The following C1GALT1 variants were observed in gnomAD, a reference collection of about 807,000 sequenced individuals.
The protein encoded by C1GALT1 is glycoprotein-N-acetylgalactosamine 3-beta-galactosyltransferase 1.
A neutral mutation model predicts 31.0 loss-of-function variants in C1GALT1; 11 were observed. That is an observed-to-expected ratio of 0.36 (90% CI 0.22 to 0.59). C1GALT1 has a LOEUF of 0.59. Among genes scored for constraint, C1GALT1 ranks in the 20% least tolerant of loss-of-function variants. The pLI is 0.79. For missense variants in C1GALT1, 424 were observed against 425.2 expected (o/e 1.00, Z 0.03); for synonymous variants, 175 against 143.6 (o/e 1.22, Z -1.56).
intron 2 of C1GALT1, among the ~76,000 whole-genome samples, chr7:7,174,833 T>A (rs751913560): frequency 2.0e-5 from 3 of 152,146 alleles, no homozygotes; most frequent in Non-Finnish European, 4.4e-5. Flanking sequence ...CTCATCTTGT[T>A]CATACATCAT....
intron 2 of C1GALT1, among the ~76,000 whole-genome samples, chr7:7,165,925 T>C (rs527881275): frequency 1.3e-5 from 2 of 152,308 alleles, no homozygotes; most frequent in African/African-American, 4.8e-5. Context: ...ATAAGGTGCA[T>C]ATGAAACATA....
intron 1 of C1GALT1, among the ~76,000 whole-genome samples, chr7:7,190,465 A>G (rs1031874836): frequency 8.5e-5 from 13 of 152,170 alleles, no homozygotes; most frequent in African/African-American, 3.1e-4. Flanking sequence ...TTCAAATAAC[A>G]TAGTTTCTGA....
upstream of C1GALT1, among the ~76,000 whole-genome samples, chr7:7,180,035 G>A (rs985692407): frequency 6.6e-6 from 1 of 152,112 alleles, no homozygotes; most frequent in Non-Finnish European, 1.5e-5. Flanking sequence ...TGGCCACATT[G>A]TCACCCTGAA....
At chr7:7,224,716 G>A (rs915046957) in intron 1 of C1GALT1, among the ~76,000 whole-genome samples, 4 of 151,990 alleles carry the variant, frequency 2.6e-5, no homozygotes, top group Admixed American at 2.6e-4. Context: ...GGTAGTTTGT[G>A]TCTCAATCTT....
chr7:7,175,313 C>G (rs1022779674), intron 2 of C1GALT1, among the ~76,000 whole-genome samples: 21 of 152,218 alleles, frequency 1.4e-4, no homozygotes, highest in Non-Finnish European at 1.0e-4. Context: ...CAAAGTGGCT[C>G]TAAGCCAGGG....
chr7:7,244,366 A>G lies in C1GALT1; in HGVS notation c.*639A>G, dbSNP rs1328182074. 1 of 152,108 alleles carries G rather than the reference A, an allele frequency of 6.6e-6. No individual in the cohort carries two copies. The highest frequency in any genetic ancestry group is 1.5e-5 in the Non-Finnish European group (1 of 67,980). 9.4% of individuals were successfully genotyped at this position (152,108 alleles called of 1,614,324 possible). ...TTTAAAATTATCATGGGCCTTGACT[A>G]TATTATATACTTGATTCTAATTAGT... On this transcript the variant is annotated 3_prime_UTR_variant, in exon 4 of 4. Transcript: ENST00000436587.
chr7:7,180,784 G>A (rs1780565607), upstream of C1GALT1, among the ~76,000 whole-genome samples: 2 of 152,110 alleles, frequency 1.3e-5, no homozygotes, highest in Admixed American at 1.3e-4. Context: ...CAACTACTGG[G>A]GAGGCTAAGG....
chr7:7,194,771 T>G (rs1478043637), intron 1 of C1GALT1, among the ~76,000 whole-genome samples: 1 of 152,088 alleles, frequency 6.6e-6, no homozygotes, highest in East Asian at 1.9e-4. Flanking sequence ...CTTTGAATAT[T>G]GGATAGAATT....
intron 1 of C1GALT1, among the ~76,000 whole-genome samples, chr7:7,219,219 C>T (rs546263036): frequency 7.2e-5 from 11 of 152,254 alleles, no homozygotes; most frequent in African/African-American, 2.6e-4. Flanking sequence ...ATAGTTTATA[C>T]ATAGGCTTTT....
intron 1 of C1GALT1, among the ~76,000 whole-genome samples, chr7:7,220,577 G>T (rs1212138445): frequency 6.6e-6 from 1 of 152,130 alleles, no homozygotes; most frequent in Non-Finnish European, 1.5e-5. Flanking sequence ...GAGTGCAGTG[G>T]TGTGATCTCG....
chr7:7,213,067 A>C (rs763172163), intron 1 of C1GALT1, among the ~76,000 whole-genome samples: 5 of 152,324 alleles, frequency 3.3e-5, no homozygotes, highest in Admixed American at 6.5e-5. Context: ...AGTTGCTTAA[A>C]CTTTTTGAGT....
At chr7:7,165,422 C>A (rs576199566) in intron 2 of C1GALT1, among the ~76,000 whole-genome samples, 2 of 151,798 alleles carry the variant, frequency 1.3e-5, no homozygotes, top group Non-Finnish European at 2.9e-5. Context: ...ATTTCAGTTA[C>A]GCTAAGGGAA....
At chr7:7,203,420 A>G (rs929777995) in intron 1 of C1GALT1, among the ~76,000 whole-genome samples, 3 of 151,984 alleles carry the variant, frequency 2.0e-5, no homozygotes, top group Non-Finnish European at 4.4e-5. Flanking sequence ...ATTTTGTCAG[A>G]TACTTTTTCT....
At chr7:7,181,671 A>G (rs1008944561), upstream of C1GALT1, among the ~76,000 whole-genome samples, 1 of 152,212 alleles carries the variant, frequency 6.6e-6, no homozygotes, top group East Asian at 1.9e-4. Context: ...CAGCCCGGGC[A>G]GTCTGATTTC....
rs11402802 is a variant in C1GALT1 at position 7,187,254 on chromosome 7, A to ATT, written c.-18+4446_-18+4447dup. 1.1e-3 allele frequency among the ~76,000 whole-genome samples: 163 copies of ATT among 147,138 alleles called. 1 individual carries two copies. Among genetic ancestry groups the ATT allele is most frequent in the African/African-American group, 3.2e-3 (130 of 40,266 alleles). ...TAGTCTTATCTCTATTCTTCCTGAGATTTTTTTTTTTTTGAGACGGAGTCT... is the reference window on the plus strand; with the variant it reads ...TAGTCTTATCTCTATTCTTCCTGAGATTTTTTTTTTTTTTTGAGACGGAGTCT... On this transcript the variant is annotated intron_variant, in intron 1 of 3. Transcript: ENST00000436587.
chr7:7,237,583 CCATTGTT>C (rs754317308), intron 2 of C1GALT1, among the ~76,000 whole-genome samples: 6 of 152,234 alleles, frequency 3.9e-5, no homozygotes, highest in Non-Finnish European at 8.8e-5. Context: ...CCCATGTCTA[CCATTGTT>C]CTCTTCTGTT....
At chr7:7,186,158 T>A (rs1303277863) in intron 1 of C1GALT1, among the ~76,000 whole-genome samples, 1 of 152,122 alleles carries the variant, frequency 6.6e-6, no homozygotes, top group African/African-American at 2.4e-5. Context: ...TCTTTCTTTC[T>A]TTCTTTCTTG....
At chr7:7,202,888 T>C (rs1440845226) in intron 1 of C1GALT1, among the ~76,000 whole-genome samples, 1 of 151,540 alleles carries the variant, frequency 6.6e-6, no homozygotes, top group African/African-American at 2.4e-5. Context: ...TTATGTATTC[T>C]TTAATTTCTT....
intron 1 of C1GALT1, among the ~76,000 whole-genome samples, chr7:7,230,070 C>A (rs958756259): frequency 6.6e-6 from 1 of 152,070 alleles, no homozygotes; most frequent in Admixed American, 6.5e-5. Flanking sequence ...GTTTTTCTTC[C>A]CAAACTGGAA....
Sources: gnomAD v4.1 joint callset for allele counts (sites outside exome capture counted in the v4.1 genomes callset) on GRCh38, gnomAD v4.1.1 for gene constraint, MANE v1.5 for transcripts, NCBI Gene and HGNC (gene_info 2026-07-23, HGNC 2026-07-21) for gene names.